C9orf78: variants seen among roughly 807,000 people sequenced by gnomAD.
C9orf78 encodes the protein splicing factor C9orf78.
Under a neutral mutation model 37.4 loss-of-function variants are expected in C9orf78, and 19 were observed. The observed-to-expected ratio is 0.51, with a 90% confidence interval of 0.35 to 0.74. C9orf78 has a LOEUF of 0.74. Ranked by LOEUF, C9orf78 falls within the 30% of genes least tolerant of loss-of-function variation. C9orf78 has a pLI of 0.01. For synonymous variants in C9orf78, 130 were observed against 128.0 expected, an observed-to-expected ratio of 1.02 and a Z score of -0.10; for missense variants, 291 against 370.8, an observed-to-expected ratio of 0.78 and a Z score of 1.77.
chr9:129,831,794 A>G (rs2031504333), intron 5 of C9orf78, 102 bp downstream of exon 5: 1 of 757,264 alleles, frequency 1.3e-6, no homozygotes, highest in Non-Finnish European at 2.5e-6. Flanking sequence ...CAACTTTGAC[A>G]TCTTCTAGAA....
rs1040992705 is a variant in C9orf78 at position 129,828,084 on chromosome 9, C to T, written c.*77G>A. On this transcript the variant is annotated 3_prime_UTR_variant, in exon 9 of 9. Coordinates refer to ENST00000372447, the MANE Select transcript of C9orf78 (RefSeq NM_016520.3). ...CTGGGATTACAGGCAGGAGCCACCA[C>T]GCCCGGCCAGGAAGCCATTTTTCAT... 1.6e-5 allele frequency: 13 copies of T among 828,966 alleles called. No individual in the cohort carries two copies. Among genetic ancestry groups the T allele is most frequent in the East Asian group, 6.0e-5 (2 of 33,436 alleles). The allele number at this position is 828,966 out of a possible 1,614,324, so 51.4% of individuals were successfully genotyped here.
In C9orf78 at chr9:129,829,396, G is replaced by T; in HGVS notation, c.679+9C>A. ...GAATGGGGGCAAGACTGCTCTCCGA[G>T]GGGCTTACATCTGTTGTGCTGCACA... On this transcript the variant is annotated intron_variant, in intron 7 of 8. Transcript: ENST00000372447. 6.2e-7 allele frequency: 1 copy of T among 1,612,450 alleles called. No homozygotes were observed. The highest frequency in any genetic ancestry group is 8.5e-7 in the Non-Finnish European group (1 of 1,178,656).
intron 2 of C9orf78, 115 bp downstream of exon 2, chr9:129,834,592 T>C: frequency 1.3e-6 from 1 of 744,572 alleles, no homozygotes; most frequent in Non-Finnish European, 2.4e-6. Flanking sequence ...CAGTGGAAGG[T>C]GTACAGTGTG....
intron 5 of C9orf78, 125 bp downstream of exon 5, chr9:129,831,771 G>C: frequency 1.4e-6 from 1 of 721,476 alleles, no homozygotes; most frequent in South Asian, 1.5e-5. Context: ...CTGGGAAGTA[G>C]AAAGAGAGGG....
chr9:129,829,121 C>G, intron 8 of C9orf78, 84 bp downstream of exon 8: 1 of 945,376 alleles, frequency 1.1e-6, no homozygotes, highest in Non-Finnish European at 1.7e-6. Context: ...CCAGGCTCCA[C>G]CCTGTCCCCC....
chr9:129,833,781 T>C, intron 2 of C9orf78, 72 bp from the exon 3 acceptor site: 1 of 1,095,504 alleles, frequency 9.1e-7, no homozygotes, highest in Non-Finnish European at 1.4e-6. Flanking sequence ...GGAGGAACCC[T>C]CTCAGGTATG....
intron 4 of C9orf78, among the ~76,000 whole-genome samples, chr9:129,832,624 C>T (rs118076137): frequency 6.6e-6 from 1 of 152,130 alleles, no homozygotes; most frequent in South Asian, 2.1e-4. Context: ...TTTTTAATAG[C>T]GACAGTGTTT....
At chr9:129,834,677 G>T in intron 2 of C9orf78, 30 bp downstream of exon 2, 1 of 1,551,266 alleles carries the variant, frequency 6.4e-7, no homozygotes. Context: ...CGTCCCCGCC[G>T]CCTCCTCCTC....
At position 129,835,232 on chromosome 9, in the gene C9orf78, G is replaced by A. The variant is rs370052266; in HGVS notation, c.-11C>T. 3.1e-6 allele frequency: 5 copies of A among 1,600,102 alleles called. No individual in the cohort carries two copies. Among genetic ancestry groups the A allele is most frequent in the Admixed American group, 1.7e-5 (1 of 59,568 alleles). ...CCGGACGACCGGCATGGTGACAACG[G>A]CCGAGTTGTACAGCCGCCGCGCCTC... On this transcript the variant is annotated 5_prime_UTR_variant, in exon 1 of 9. Transcript: ENST00000372447.
chr9:129,833,786 G>A, intron 2 of C9orf78, 77 bp from the exon 3 acceptor site: 3 of 1,048,050 alleles, frequency 2.9e-6, no homozygotes, highest in Non-Finnish European at 2.9e-6. Flanking sequence ...AACCCTCTCA[G>A]GTATGCGGAT....
intron 6 of C9orf78, chr9:129,830,654 G>C: frequency 2.0e-6 from 1 of 507,358 alleles, no homozygotes; most frequent in Non-Finnish European, 3.6e-6. Flanking sequence ...CTGGACTACA[G>C]GTGCCTGCCA....
chr9:129,834,893 T>C, intron 1 of C9orf78, 127 bp from the exon 2 acceptor site: 1 of 778,076 alleles, frequency 1.3e-6, no homozygotes, highest in Non-Finnish European at 2.2e-6. Context: ...AGCACAGTGG[T>C]CCAGAGGACG....
At chr9:129,829,014 A>G in intron 8 of C9orf78, 191 bp downstream of exon 8, 1 of 683,630 alleles carries the variant, frequency 1.5e-6, no homozygotes, top group Non-Finnish European at 2.7e-6. Flanking sequence ...GGTAGGTTCT[A>G]TTAGGATTCC....
Position 129,833,857 on chromosome 9 carries a change from T to TAC in C9orf78, c.144-149_144-148insGT. ...GGTAGGCAAGCCGGCTGGAAAAGCC[T>TAC]ATAAGCATAAGACAGGGCTCAACGA... On this transcript the variant is annotated intron_variant, in intron 2 of 8. Coordinates refer to ENST00000372447, the MANE Select transcript of C9orf78 (RefSeq NM_016520.3). The TAC allele has an allele frequency of 7.8e-6, 5 of 644,596 alleles. No homozygotes were observed. In the Admixed American group the frequency reaches 9.8e-5, roughly 13 times the overall value. 39.9% of individuals were successfully genotyped at this position (644,596 alleles called of 1,614,324 possible). A position where few individuals can be genotyped will look rare whatever the true frequency, so the allele number is the denominator to read the frequency against.
chr9:129,831,863 C>T, intron 5 of C9orf78, 33 bp downstream of exon 5: 6 of 1,080,210 alleles, frequency 5.6e-6, no homozygotes, highest in Non-Finnish European at 8.7e-6. Context: ...AGTCCAGCCC[C>T]AACTGCTCAC....
chr9:129,833,228 AATACACTC>A (rs2031556441), intron 4 of C9orf78, among the ~76,000 whole-genome samples: 1 of 151,540 alleles, frequency 6.6e-6, no homozygotes, highest in South Asian at 2.1e-4. Flanking sequence ...TCACGCCTAC[AATACACTC>A]TTACAAAAGG....
intron 5 of C9orf78, 32 bp from the exon 6 acceptor site, chr9:129,831,100 G>T (rs186632248): frequency 5.5e-6 from 8 of 1,444,230 alleles, no homozygotes; most frequent in Non-Finnish European, 7.8e-6. Flanking sequence ...CCTCAGGGAG[G>T]GGTGGGAAAC....
At chr9:129,834,996 C>G (rs1420170377) in intron 1 of C9orf78, 143 bp downstream of exon 1, 4 of 755,842 alleles carry the variant, frequency 5.3e-6, no homozygotes, top group Non-Finnish European at 8.8e-6. Flanking sequence ...GGCCTCACCC[C>G]TTGAGCCTCA....
intron 6 of C9orf78, 176 bp from the exon 7 acceptor site, chr9:129,829,717 G>T: frequency 1.7e-6 from 1 of 576,702 alleles, no homozygotes; most frequent in South Asian, 2.3e-5. Flanking sequence ...CACGGCTGTC[G>T]GAGAACCACA....
Sources: allele counts gnomAD v4.1 joint callset (sites outside exome capture counted in the v4.1 genomes callset), GRCh38; gene constraint gnomAD v4.1.1; transcripts MANE v1.5; gene names NCBI Gene and HGNC (gene_info 2026-07-23, HGNC 2026-07-21).